The following ATRIP variants were observed in gnomAD, a reference collection of about 807,000 sequenced individuals.
ATRIP encodes the protein ATR interacting protein, also known as ATR-interacting protein.
ATRIP carries 44 observed loss-of-function variants against 78.1 expected under a neutral mutation model. The observed-to-expected ratio is 0.56, with a 90% CI of 0.44 to 0.72. ATRIP has a LOEUF of 0.72. Among genes scored for constraint, ATRIP ranks in the 30% least tolerant of loss-of-function variants. The pLI is 0.00. For missense variants in ATRIP, 927 were observed against 980.2 expected, an observed-to-expected ratio of 0.95 and a Z score of 0.72; for synonymous variants, 388 against 408.9, an observed-to-expected ratio of 0.95 and a Z score of 0.62.
At position 48,446,808 on chromosome 3, in the gene ATRIP, A is replaced by G. The variant is rs371479359; in HGVS notation, c.-38A>G. On this transcript the variant is annotated 5_prime_UTR_variant, in exon 1 of 13. Transcript: ENST00000320211. ...CTCCGGCCTGGCGGCAGGCAAGTCT[A>G]GCTCGGCGCTGTCGGATACTTGGGG... 2.1e-5 allele frequency: 29 copies of G among 1,375,798 alleles called. No homozygotes were observed. The highest frequency in any genetic ancestry group is 2.7e-5 in the Non-Finnish European group (29 of 1,063,472). The allele number at this position is 1,375,798 out of a possible 1,614,324, so 85.2% of individuals were successfully genotyped here.
intron 4 of ATRIP, among the ~76,000 whole-genome samples, chr3:48,455,869 C>T (rs540434206): frequency 6.6e-6 from 1 of 151,960 alleles, no homozygotes; most frequent in Admixed American, 6.6e-5. Context: ...ACCTGTAATC[C>T]CAACACTTTG....
chr3:48,455,065 G>A (rs891533201), intron 4 of ATRIP, among the ~76,000 whole-genome samples: 2 of 152,066 alleles, frequency 1.3e-5, no homozygotes, highest in Non-Finnish European at 2.9e-5. Flanking sequence ...GTTTCACCAT[G>A]TTGGCCAGGC....
chr3:48,447,892 C>CT (rs2039722952), intron 1 of ATRIP, among the ~76,000 whole-genome samples: 1 of 152,212 alleles, frequency 6.6e-6, no homozygotes, highest in African/African-American at 2.4e-5. Flanking sequence ...CAAAGCGACT[C>CT]TTCCCCTTTC....
Position 48,467,184 on chromosome 3 carries a change from T to G in ATRIP, c.*1630T>G, listed in dbSNP as rs1240479911. On this transcript the variant is annotated 3_prime_UTR_variant, in exon 13 of 13. Coordinates refer to ENST00000320211, the MANE Select transcript of ATRIP (RefSeq NM_130384.3). The stretch of plus-strand genomic sequence containing the variant: ...CTCAGAACACGGCCCAAGGAAGAGC[T>G]ATAGCCTAGGCAGCATCTACACTCG... 3 of 1,613,812 alleles carry G rather than the reference T, an allele frequency of 1.9e-6. No individual in the cohort carries two copies. Among genetic ancestry groups the G allele is most frequent in the Non-Finnish European group, 2.5e-6 (3 of 1,179,926 alleles).
At position 48,460,603 on chromosome 3, in the gene ATRIP, C is replaced by T. The variant is rs1056962370; in HGVS notation, c.1549C>T (p.Leu517Phe). Residue 517 changes from leucine (L) to phenylalanine (F), a missense_variant, in exon 8 of 13, where the codon CTT (leucine) becomes TTT (phenylalanine). Physicochemically the swap from Leu to Phe is conservative, Grantham distance 22 (BLOSUM62 0). Coordinates refer to ENST00000320211, the MANE Select transcript of ATRIP (RefSeq NM_130384.3). The stretch of plus-strand genomic sequence containing the variant: ...AGGAAACAGGAGCCTGGTTCACAGG[C>T]TTAGTGATGGAGATATGACCTCAGC... ...GEGNRSLVHR[L>F]SDGDMTSALR... 6.8e-6 allele frequency: 11 copies of T among 1,614,192 alleles called. No homozygotes were observed. Among genetic ancestry groups the T allele is most frequent in the Non-Finnish European group, 8.5e-6 (10 of 1,180,030 alleles).
chr3:48,447,532 G>T, intron 1 of ATRIP: 1 of 987,960 alleles, frequency 1.0e-6, no homozygotes, highest in Non-Finnish European at 1.2e-6. Context: ...GGCAAGAGAT[G>T]AAATAAATTT....
Position 48,466,988 on chromosome 3 carries a change from C to A in ATRIP, c.*1434C>A. 1 of 1,613,378 alleles carries A rather than the reference C, an allele frequency of 6.2e-7. No individual in the cohort carries two copies. The highest frequency in any genetic ancestry group is 8.5e-7 in the Non-Finnish European group (1 of 1,180,032). On this transcript the variant is annotated 3_prime_UTR_variant, in exon 13 of 13. Coordinates refer to ENST00000320211, the MANE Select transcript of ATRIP (RefSeq NM_130384.3). ...ACCTGGCCAACCTGCTCCTAGCCTT[C>A]CTGCGGCGCCAGCCACAGCCCTGGT...
intron 6 of ATRIP, 118 bp from the exon 7 acceptor site, chr3:48,459,669 G>A (rs1486398396): frequency 7.2e-7 from 1 of 1,395,684 alleles, no homozygotes; most frequent in Non-Finnish European, 9.8e-7. Flanking sequence ...ATCTTCCTGG[G>A]GCTTAGTGGC....
At chr3:48,456,790 G>A (rs1370027685) in intron 4 of ATRIP, among the ~76,000 whole-genome samples, 4 of 151,828 alleles carry the variant, frequency 2.6e-5, no homozygotes, top group South Asian at 2.1e-4. Context: ...AAAATGTTTT[G>A]GTGGAATTGT....
At position 48,463,790 on chromosome 3, in the gene ATRIP, G is replaced by C. The variant is rs1335078243; in HGVS notation, c.1791G>C (p.Glu597Asp). 6.2e-7 allele frequency: 1 copy of C among 1,614,194 alleles called. No homozygotes were observed. The highest frequency in any genetic ancestry group is 2.2e-5 in the East Asian group (1 of 44,894). The change falls in exon 9 of 13, where the codon GAG becomes GAC. Residue 597 changes from glutamate (E) to aspartate (D), a missense_variant. Glu to Asp is a conservative substitution (Grantham distance 45, BLOSUM62 2). Transcript: ENST00000320211. ...TGCTGCCAAAGTGCCTCAGCCCAGA[G>C]ACACCCCTGCCTAGCGTGCTGCTGG... is the stretch of plus-strand genomic sequence containing the variant. ...FQVLPKCLSPETPLPSVLLAV... is the reference protein window; with the variant it reads ...FQVLPKCLSPDTPLPSVLLAV...
rs1159319927 is a variant in ATRIP, at chr3:48,447,091, C to T, written c.246C>T (p.Ser82=). The T allele has an allele frequency of 6.5e-7, 1 of 1,531,874 alleles. No individual in the cohort carries two copies. Among genetic ancestry groups the T allele is most frequent in the Non-Finnish European group, 8.8e-7 (1 of 1,140,278 alleles). 94.9% of individuals were successfully genotyped at this position (1,531,874 alleles called of 1,614,324 possible). A position where few individuals can be genotyped will look rare whatever the true frequency, so the allele number is the denominator to read the frequency against. ...GTCCGGCCGCGGCTCGGGACGTGTC[C>T]AGTGAGTGCTCCTCGCGGCCTTTTG... The part of the protein sequence containing the change: ...SQCPAAARDV[S]SDHKVHRLLD... The change falls in exon 1 of 13, where the codon TCC becomes TCT. Residue 82 remains serine (S), a splice_region_variant and synonymous_variant. Coordinates refer to ENST00000320211, the MANE Select transcript of ATRIP (RefSeq NM_130384.3).
rs1401714875 is a variant in ATRIP, at chr3:48,459,776, G to A, written c.926-11G>A. The A allele has an allele frequency of 6.2e-7, 1 of 1,609,024 alleles. No homozygotes were observed. The highest frequency in any genetic ancestry group is 8.5e-7 in the Non-Finnish European group (1 of 1,178,714). ...TGTCAGAACCTTCTAGAGTCATCTT[G>A]TCTTCTGCAGGTTCCATTTTGATAA... On this transcript the variant is annotated splice_polypyrimidine_tract_variant and intron_variant, in intron 6 of 12. Transcript: ENST00000320211.
At chr3:48,453,966 C>T (rs563420384) in intron 3 of ATRIP, among the ~76,000 whole-genome samples, 1 of 151,772 alleles carries the variant, frequency 6.6e-6, no homozygotes, top group Non-Finnish European at 1.5e-5. Flanking sequence ...TGCTATTTTG[C>T]CCAGGCTGGT....
At position 48,467,080 on chromosome 3, in the gene ATRIP, G is replaced by GCCT. The variant is rs2107259142; in HGVS notation, c.*1528_*1530dup. The GCCT allele has an allele frequency of 6.2e-7, 1 of 1,613,958 alleles. No homozygotes were observed. Among genetic ancestry groups the GCCT allele is most frequent in the Non-Finnish European group, 8.5e-7 (1 of 1,180,024 alleles). Reference sequence around the variant, plus strand: ...CTCCAAGCAGAGCTGGCTATGCTGGGCCTCACCAGTGCTCTGGATGGTGCC... The same window carrying GCCT: ...CTCCAAGCAGAGCTGGCTATGCTGGGCCTCCTCACCAGTGCTCTGGATGGTGCC... On this transcript the variant is annotated 3_prime_UTR_variant, in exon 13 of 13. Transcript: ENST00000320211.
chr3:48,460,591 C>G lies in ATRIP; in HGVS notation c.1537C>G (p.Leu513Val). The G allele has an allele frequency of 1.2e-6, 2 of 1,614,158 alleles. No homozygotes were observed. Among genetic ancestry groups the G allele is most frequent in the Non-Finnish European group, 1.7e-6 (2 of 1,180,012 alleles). ...DSAAGEGNRS[L>V]VHRLSDGDMT... ...TGCTGCTGGGGAAGGAAACAGGAGC[C>G]TGGTTCACAGGCTTAGTGATGGAGA... The change falls in exon 8 of 13, where the codon CTG becomes GTG. Residue 513 changes from leucine (L) to valine (V), a missense_variant. By Grantham distance (32) the Leu-to-Val change is conservative (BLOSUM62 1). Coordinates refer to ENST00000320211, the MANE Select transcript of ATRIP (RefSeq NM_130384.3).
At chr3:48,458,997 A>C (rs138981307) in intron 5 of ATRIP, among the ~76,000 whole-genome samples, 3 of 152,326 alleles carry the variant, frequency 2.0e-5, no homozygotes, top group African/African-American at 4.8e-5. Context: ...TATATGTAAA[A>C]CAGACCTAAT....
rs1297709851 is a variant in ATRIP, at chr3:48,449,413, C to CAAAAAAAAAAAA, written c.248-614_248-603dup. On this transcript the variant is annotated intron_variant, in intron 1 of 12. Coordinates refer to ENST00000320211, the MANE Select transcript of ATRIP (RefSeq NM_130384.3). ...TGGGCAACAGAGCGAGACTCTGTCT[C>CAAAAAAAAAAAA]AAAAAAAAAAAAAAAAAAAAAGAAG... Among the ~76,000 whole-genome samples, 5 of 60,102 alleles carry CAAAAAAAAAAAA rather than the reference C, an allele frequency of 8.3e-5. 1 individual carries two copies. The highest frequency in any genetic ancestry group is 3.3e-4 in the African/African-American group (4 of 12,114). 39.4% of individuals were successfully genotyped at this position (60,102 alleles called of 152,430 possible). A position where few individuals can be genotyped will look rare whatever the true frequency, so the allele number is the denominator to read the frequency against.
intron 2 of ATRIP, 30 bp downstream of exon 2, chr3:48,450,200 CTAAT>C: frequency 1.3e-6 from 2 of 1,594,806 alleles, no homozygotes; most frequent in Non-Finnish European, 1.7e-6. Flanking sequence ...GTTTTTGTAG[CTAAT>C]TCATTCACTT....
chr3:48,461,981 C>T (rs1183627199), intron 8 of ATRIP, among the ~76,000 whole-genome samples: 1 of 152,130 alleles, frequency 6.6e-6, no homozygotes, highest in Non-Finnish European at 1.5e-5. Context: ...GCAAGGATTA[C>T]AGGCGTGAGC....
Sources: allele counts gnomAD v4.1 joint callset (sites outside exome capture counted in the v4.1 genomes callset), GRCh38; gene constraint gnomAD v4.1.1; transcripts MANE v1.5; gene names NCBI Gene and HGNC (gene_info 2026-07-23, HGNC 2026-07-21).